The following IFI44 variants were observed in gnomAD, a reference collection of about 807,000 sequenced individuals.
IFI44 encodes the protein interferon induced protein 44, also known as interferon-induced protein 44.
Under a neutral mutation model 45.0 loss-of-function variants are expected in IFI44, and 42 were observed. That is an observed-to-expected ratio of 0.93 (90% confidence interval 0.73 to 1.21). The LOEUF (loss-of-function observed/expected upper bound fraction) is 1.21, where lower values mean the gene tolerates loss of function less well. IFI44 is among the 50% of genes most tolerant of loss of function. IFI44 has a pLI of 0.00. For missense variants in IFI44, 623 were observed against 525.8 expected (o/e 1.18, Z -1.81); for synonymous variants, 221 against 188.6 (o/e 1.17, Z -1.41).
At chr1:78,660,917 G>A in intron 7 of IFI44, 1 of 443,780 alleles carries the variant, frequency 2.3e-6, no homozygotes, top group Non-Finnish European at 4.2e-6. Context: ...TATAACCTAT[G>A]CACATCCTTT....
intron 2 of IFI44, among the ~76,000 whole-genome samples, chr1:78,652,028 A>G (rs17394028): frequency 0.15 from 22,490 of 152,042 alleles, 1,850 homozygotes; most frequent in Middle Eastern, 0.2. Flanking sequence ...TTGAAAAATT[A>G]CACACCAGTT....
intron 5 of IFI44, among the ~76,000 whole-genome samples, chr1:78,656,316 T>C (rs1557702642): frequency 6.6e-6 from 1 of 152,236 alleles, no homozygotes; most frequent in Non-Finnish European, 1.5e-5. Context: ...AGTATATATT[T>C]TTTAAACTTG....
At chr1:78,653,938 C>A (rs530722377) in intron 2 of IFI44, among the ~76,000 whole-genome samples, 29 of 152,238 alleles carry the variant, frequency 1.9e-4, no homozygotes, top group African/African-American at 7.0e-4. Flanking sequence ...TAGAAAACAC[C>A]CACAGCCTCA....
At chr1:78,655,584 A>T in intron 5 of IFI44, 73 bp downstream of exon 5, 1 of 1,297,350 alleles carries the variant, frequency 7.7e-7, no homozygotes, top group African/African-American at 1.5e-5. Context: ...ATCAGCGTTT[A>T]TCTTCTTAAA....
intron 5 of IFI44, among the ~76,000 whole-genome samples, chr1:78,656,483 G>T (rs973163457): frequency 6.6e-6 from 1 of 152,048 alleles, no homozygotes; most frequent in Non-Finnish European, 1.5e-5. Context: ...TTCTATTGAT[G>T]TAGTGATCTA....
chr1:78,663,511 G>C (rs1647591215), intron 8 of IFI44: 1 of 985,104 alleles, frequency 1.0e-6, no homozygotes, highest in South Asian at 4.7e-5. Flanking sequence ...TCTTATTTTA[G>C]TGCTTGGGAA....
At position 78,655,403 on chromosome 1, in the gene IFI44, C is replaced by A. The variant is rs748188421; in HGVS notation, c.732C>A (p.Tyr244Ter). Residue 244 changes from tyrosine to a stop codon, truncating the protein, a stop_gained, in exon 5 of 9, where the codon TAC becomes TAA. Coordinates refer to ENST00000370747, the MANE Select transcript of IFI44 (RefSeq NM_006417.5). LOFTEE classifies it high-confidence loss of function. Reference sequence around the variant, plus strand: ...TTAGAGACGGGAAAGATGGCAAATACCTGCCGTTTATTCTGTGTGACTCAC... The same window carrying A: ...TTAGAGACGGGAAAGATGGCAAATAACTGCCGTTTATTCTGTGTGACTCAC... Reference protein sequence around the residue: ...YSIRDGKDGKYLPFILCDSLG... With the variant: ...YSIRDGKDGK 6.2e-7 allele frequency: 1 copy of A among 1,613,688 alleles called. No homozygotes were observed.
Position 78,662,888 on chromosome 1 carries a change from T to C in IFI44, c.1288+10T>C, listed in dbSNP as rs555083310. 1.9e-6 allele frequency: 3 copies of C among 1,613,414 alleles called. No homozygotes were observed. In the East Asian group the frequency reaches 6.7e-5, roughly 36 times the overall value. On this transcript the variant is annotated intron_variant, in intron 8 of 8. Coordinates refer to ENST00000370747, the MANE Select transcript of IFI44 (RefSeq NM_006417.5). ...CCTTTTGAGCAAATAGGTAGATGGT[T>C]TGGTGGTGTGGAAGCTTGGAAGCGG... is the stretch of plus-strand genomic sequence containing the variant.
chr1:78,660,900 A>G (rs1478590146), intron 7 of IFI44: 1 of 472,894 alleles, frequency 2.1e-6, no homozygotes, highest in East Asian at 4.2e-5. Context: ...TAGTATTTGT[A>G]TTTGCATATA....
intron 3 of IFI44, among the ~76,000 whole-genome samples, chr1:78,654,579 T>G (rs937590813): frequency 6.6e-6 from 1 of 152,034 alleles, no homozygotes; most frequent in Non-Finnish European, 1.5e-5. Flanking sequence ...AGAGTTGCTG[T>G]AGAAGAAGTG....
chr1:78,662,335 A>C (rs1464380113), intron 7 of IFI44, among the ~76,000 whole-genome samples: 1 of 152,236 alleles, frequency 6.6e-6, no homozygotes, highest in African/African-American at 2.4e-5. Context: ...GAACCTAGGC[A>C]GTTTGATTCT....
chr1:78,654,091 TA>T (rs1320498379), intron 2 of IFI44, 151 bp from the exon 3 acceptor site: 3 of 635,364 alleles, frequency 4.7e-6, no homozygotes, highest in Non-Finnish European at 8.4e-6. Context: ...GAATTTGCTC[TA>T]CAAAATTGCT....
chr1:78,651,673 T>C (rs561622894), intron 2 of IFI44, among the ~76,000 whole-genome samples: 2 of 152,318 alleles, frequency 1.3e-5, no homozygotes, highest in Admixed American at 6.5e-5. Flanking sequence ...TAAAACTTTA[T>C]GCCCTTTGAC....
chr1:78,656,474 T>C (rs1314365119), intron 5 of IFI44, among the ~76,000 whole-genome samples: 1 of 152,226 alleles, frequency 6.6e-6, no homozygotes, highest in African/African-American at 2.4e-5. Context: ...TCTAGTTTTT[T>C]CTATTGATGT....
Position 78,655,336 on chromosome 1 carries a change from T to G in IFI44, c.691-26T>G, listed in dbSNP as rs749497219. 22 of 1,573,142 alleles carry G rather than the reference T, an allele frequency of 1.4e-5. No homozygotes were observed. The Middle Eastern group carries it at 1.0e-3, about 73-fold the overall frequency. On this transcript the variant is annotated intron_variant, in intron 4 of 8. Transcript: ENST00000370747. ...CAATTTATAATAAAAAATGAATCTT[T>G]AAAATTGCTTTTCTCCCCTCTACAG...
chr1:78,650,409 G>A lies in IFI44; in HGVS notation c.214G>A (p.Gly72Arg), dbSNP rs368826022. The A allele has an allele frequency of 6.2e-7, 1 of 1,613,692 alleles. No homozygotes were observed. The highest frequency in any genetic ancestry group is 8.5e-7 in the Non-Finnish European group (1 of 1,179,650). The change falls in exon 2 of 9, where the codon GGA (glycine) becomes AGA (arginine). Residue 72 changes from glycine (G) to arginine (R), a missense_variant. Transcript: ENST00000370747. ...ATATGCAGAAGAGAGTTACCAGGAA[G>A]GAAAGTATGCTTCCATCATCCTTTT... ...GAYAEESYQE[G>R]KYASIILFAL...
rs1370019354 is a variant in IFI44, at chr1:78,664,071, G to A, written c.*260G>A. On this transcript the variant is annotated 3_prime_UTR_variant, in exon 9 of 9. Coordinates refer to ENST00000370747, the MANE Select transcript of IFI44 (RefSeq NM_006417.5). ...AAAAAATAAATTTCTTATAAAACTC[G>A]GGTCTAACTTGAGAGTGTGTGTGAT... 1 of 292,880 alleles carries A rather than the reference G, an allele frequency of 3.4e-6. No individual in the cohort carries two copies. The highest frequency in any genetic ancestry group is 6.1e-5 in the East Asian group (1 of 16,318). The allele number at this position is 292,880 out of a possible 1,614,324, so 18.1% of individuals were successfully genotyped here.
Position 78,653,960 on chromosome 1 carries a change from G to A in IFI44, c.458-283G>A, listed in dbSNP as rs367965371. On this transcript the variant is annotated intron_variant, in intron 2 of 8. Coordinates refer to ENST00000370747, the MANE Select transcript of IFI44 (RefSeq NM_006417.5). ...CACCCACAGCCTCAATTCCCATGTCGGAGTAAGTTACACACTACTGTTGAG... is the reference window on the plus strand; with the variant it reads ...CACCCACAGCCTCAATTCCCATGTCAGAGTAAGTTACACACTACTGTTGAG... Among the ~76,000 whole-genome samples the A allele has an allele frequency of 2.6e-4, 39 of 152,200 alleles. No individual in the cohort carries two copies. The East Asian group carries it at 3.1e-3, about 12-fold the overall frequency.
Position 78,650,613 on chromosome 1 carries a change from A to C in IFI44, c.418A>C (p.Thr140Pro). The C allele has an allele frequency of 6.2e-7, 1 of 1,608,124 alleles. No homozygotes were observed. The highest frequency in any genetic ancestry group is 1.3e-5 in the African/African-American group (1 of 74,706). ...MENLGLAQNCTISIQDYEVFR... is the reference protein window; with the variant it reads ...MENLGLAQNCPISIQDYEVFR... The stretch of plus-strand genomic sequence containing the variant: ...AAATCTTGGACTTGCTCAAAATTGT[A>C]CTATCTCTATTCAGGATTATGAAGT... The change falls in exon 2 of 9, where the codon ACT becomes CCT. Residue 140 changes from threonine (T) to proline (P), a missense_variant. Thr to Pro is a conservative substitution (Grantham distance 38). Transcript: ENST00000370747.
Sources: gnomAD v4.1 joint callset for allele counts (sites outside exome capture counted in the v4.1 genomes callset) on GRCh38, gnomAD v4.1.1 for gene constraint, MANE v1.5 for transcripts, NCBI Gene and HGNC (gene_info 2026-07-23, HGNC 2026-07-21) for gene names.